The following ARHGAP19 variants were observed in gnomAD, a reference collection of about 807,000 sequenced individuals.
The protein encoded by ARHGAP19 is Rho GTPase activating protein 19.
In ARHGAP19, 48 loss-of-function variants were observed where a neutral mutation model predicts 60.9. The observed-to-expected ratio is 0.79, with a 90% confidence interval of 0.62 to 1.00. The LOEUF (loss-of-function observed/expected upper bound fraction) is 1.00. Among genes scored for constraint, ARHGAP19 ranks in the 50% least tolerant of loss-of-function variants. The pLI is 0.00. For synonymous variants in ARHGAP19, 209 were observed against 215.5 expected (o/e 0.97, Z 0.27); for missense variants, 562 against 597.2 (o/e 0.94, Z 0.61).
At chr10:97,262,111 G>A (rs2134882522) in intron 4 of ARHGAP19, among the ~76,000 whole-genome samples, 1 of 151,982 alleles carries the variant, frequency 6.6e-6, no homozygotes, top group East Asian at 1.9e-4. Flanking sequence ...TAGCACTTTG[G>A]GAGACTGAGG....
chr10:97,230,278 C>T (rs375456415), intron 9 of ARHGAP19, among the ~76,000 whole-genome samples: 4 of 152,200 alleles, frequency 2.6e-5, no homozygotes, highest in Admixed American at 6.5e-5. Flanking sequence ...GTCCCTCCCC[C>T]CTACTTACCA....
chr10:97,292,599 T>C lies in ARHGAP19; in HGVS notation c.29A>G (p.Glu10Gly). MATEAQSEG[E>G]VPARESGRSD... ...CCGGCCGGATTCGCGGGCTGGCACC[T>C]CCCCTTCACTCTGTGCCTCAGTCGC... The change falls in exon 1 of 12, where the codon GAG (glutamate) becomes GGG (glycine). Residue 10 changes from glutamate to glycine, a missense_variant. Physicochemically the swap from Glu to Gly is moderately conservative, Grantham distance 98 (BLOSUM62 -2). Transcript: ENST00000358531. 3 of 1,614,088 alleles carry C rather than the reference T, an allele frequency of 1.9e-6. No individual in the cohort carries two copies. Among genetic ancestry groups the C allele is most frequent in the South Asian group, 1.1e-5 (1 of 91,074 alleles).
intron 4 of ARHGAP19, among the ~76,000 whole-genome samples, chr10:97,260,256 C>A (rs541354724): frequency 6.6e-6 from 1 of 151,476 alleles, no homozygotes; most frequent in Admixed American, 6.6e-5. Flanking sequence ...TCAGGCCGGG[C>A]ACAGTGGCTC....
intron 8 of ARHGAP19, among the ~76,000 whole-genome samples, chr10:97,242,135 T>A (rs1842493998): frequency 6.7e-6 from 1 of 150,290 alleles, no homozygotes. Context: ...AAGGAAAAAA[T>A]TTTAAAGTAT....
chr10:97,229,752 A>G lies in ARHGAP19; in HGVS notation c.1395+12T>C, dbSNP rs943907939. ...TACAGACAGACAGACAGTCCAAAGA[A>G]CAGTGTCTTACTAAGTTCCTATTTT... On this transcript the variant is annotated intron_variant, in intron 10 of 11. Coordinates refer to ENST00000358531, the MANE Select transcript of ARHGAP19 (RefSeq NM_032900.6). 5 of 1,543,790 alleles carry G rather than the reference A, an allele frequency of 3.2e-6. No individual in the cohort carries two copies. In the African/African-American group the frequency reaches 6.9e-5, roughly 21 times the overall value.
At chr10:97,251,038 G>A (rs1188509610) in intron 6 of ARHGAP19, among the ~76,000 whole-genome samples, 2 of 150,728 alleles carry the variant, frequency 1.3e-5, no homozygotes, top group Non-Finnish European at 1.5e-5. Flanking sequence ...TCCAGCCTGG[G>A]GGGCAGAGTG....
At chr10:97,288,758 A>G (rs1843188819) in intron 1 of ARHGAP19, among the ~76,000 whole-genome samples, 1 of 151,498 alleles carries the variant, frequency 6.6e-6, no homozygotes, top group Non-Finnish European at 1.5e-5. Flanking sequence ...TGATAAATAC[A>G]TATGTGTATC....
chr10:97,266,942 C>T (rs1481421214), intron 1 of ARHGAP19, among the ~76,000 whole-genome samples: 5 of 152,096 alleles, frequency 3.3e-5, no homozygotes, highest in Admixed American at 3.3e-4. Context: ...CATTCTGCCC[C>T]GGCCCCTCCC....
chr10:97,243,473 T>A (rs1564714985), intron 8 of ARHGAP19, among the ~76,000 whole-genome samples: 1 of 152,200 alleles, frequency 6.6e-6, no homozygotes, highest in African/African-American at 2.4e-5. Flanking sequence ...AGTATCAGAC[T>A]AGGGTCCTGA....
intron 1 of ARHGAP19, among the ~76,000 whole-genome samples, chr10:97,280,390 C>G (rs957066817): frequency 2.0e-5 from 3 of 151,848 alleles, no homozygotes; most frequent in Non-Finnish European, 4.4e-5. Flanking sequence ...GCCAAGGTGA[C>G]AGACCAAGAC....
Position 97,235,231 on chromosome 10 carries a change from T to C in ARHGAP19, c.1270A>G (p.Ser424Gly), listed in dbSNP as rs769585651. ...AGCATACCTACCTTAATAAGCCCACTGAAGGAGCGCGAACGAGCCCTCTTT... is the reference window on the plus strand; with the variant it reads ...AGCATACCTACCTTAATAAGCCCACCGAAGGAGCGCGAACGAGCCCTCTTT... ...VQKRARSRSF[S>G]GLIKRKVLGN... is the part of the protein sequence containing the mutation. Residue 424 changes from serine (S) to glycine (G), a missense_variant, in exon 9 of 12, where the codon AGT (serine) becomes GGT (glycine). Transcript: ENST00000358531. The C allele has an allele frequency of 1.9e-6, 3 of 1,613,032 alleles. No individual in the cohort carries two copies. In the Admixed American group the frequency reaches 5.0e-5, roughly 27 times the overall value.
At chr10:97,266,182 C>T (rs923404229) in intron 1 of ARHGAP19, 57 bp from the exon 2 acceptor site, 3 of 1,590,260 alleles carry the variant, frequency 1.9e-6, no homozygotes, top group Non-Finnish European at 2.6e-6. Flanking sequence ...TTCTTATGCA[C>T]TACTCATTGG....
At chr10:97,242,324 CTTTTTTTTTTTTTT>C (rs1164708198) in intron 8 of ARHGAP19, among the ~76,000 whole-genome samples, 1 of 55,796 alleles carries the variant, frequency 1.8e-5, no homozygotes, top group Non-Finnish European at 3.5e-5. Context: ...TATCAGTGTT[CTTTTTTTTTTTTTT>C]TTTTTTTTTT....
At chr10:97,264,141 G>C (rs931209070) in intron 3 of ARHGAP19, among the ~76,000 whole-genome samples, 1 of 152,058 alleles carries the variant, frequency 6.6e-6, no homozygotes, top group Non-Finnish European at 1.5e-5. Flanking sequence ...GAAGCTTTAG[G>C]GTCATCCCAA....
intron 1 of ARHGAP19, among the ~76,000 whole-genome samples, chr10:97,269,976 T>A (rs895514177): frequency 6.6e-6 from 1 of 152,160 alleles, no homozygotes; most frequent in African/African-American, 2.4e-5. Context: ...GCAACATGTA[T>A]CGTTTTTCAA....
chr10:97,232,324 C>T (rs545235629), intron 9 of ARHGAP19, among the ~76,000 whole-genome samples: 18 of 151,812 alleles, frequency 1.2e-4, no homozygotes, highest in African/African-American at 3.9e-4. Context: ...CCAACATGCC[C>T]GGCTAATTTT....
intron 8 of ARHGAP19, among the ~76,000 whole-genome samples, chr10:97,242,323 T>TA (rs1842498366): frequency 1.4e-5 from 2 of 138,576 alleles, no homozygotes; most frequent in Non-Finnish European, 1.5e-5. Flanking sequence ...GTATCAGTGT[T>TA]CTTTTTTTTT....
intron 7 of ARHGAP19, among the ~76,000 whole-genome samples, chr10:97,245,062 G>C (rs749054734): frequency 6.6e-6 from 1 of 152,012 alleles, no homozygotes; most frequent in Non-Finnish European, 1.5e-5. Flanking sequence ...CTGGAGTACA[G>C]TGTCACCATC....
intron 1 of ARHGAP19, among the ~76,000 whole-genome samples, chr10:97,290,241 G>A (rs562280283): frequency 1.3e-5 from 2 of 152,110 alleles, no homozygotes; most frequent in African/African-American, 4.8e-5. Flanking sequence ...GCTGTTTGCC[G>A]CTGTCGCAGA....
Sources: allele counts gnomAD v4.1 joint callset (sites outside exome capture counted in the v4.1 genomes callset), GRCh38; gene constraint gnomAD v4.1.1; transcripts MANE v1.5; gene names NCBI Gene and HGNC (gene_info 2026-07-23, HGNC 2026-07-21).